ERBIN: variants seen among roughly 807,000 people sequenced by gnomAD.
ERBIN encodes densin-180-like protein.
ERBIN carries 60 observed loss-of-function variants against 158.4 expected under a neutral mutation model. The observed-to-expected ratio is 0.38, with a 90% CI of 0.31 to 0.47. The LOEUF (loss-of-function observed/expected upper bound fraction) is 0.47, where lower values mean the gene tolerates loss of function less well. Ranked by LOEUF, ERBIN falls within the 20% of genes least tolerant of loss-of-function variation. The probability of loss-of-function intolerance (pLI) is 0.99; values close to 1 mark genes in which losing one functional copy is unlikely to be tolerated. For missense variants in ERBIN, 1,610 were observed against 1,648.0 expected, an observed-to-expected ratio of 0.98 and a Z score of 0.40; for synonymous variants, 594 against 557.2, an observed-to-expected ratio of 1.07 and a Z score of -0.93.
In ERBIN at chr5:66,048,780, A is replaced by C. The variant is rs762178009; in HGVS notation, c.1902A>C (p.Lys634Asn). 2.6e-6 allele frequency: 4 copies of C among 1,561,774 alleles called. No individual in the cohort carries two copies. The highest frequency in any genetic ancestry group is 2.6e-6 in the Non-Finnish European group (3 of 1,152,190). Residue 634 changes from lysine (K) to asparagine (N), a missense_variant and splice_region_variant, in exon 19 of 26, where the codon AAA (lysine) becomes AAC (asparagine). Coordinates refer to ENST00000284037, the MANE Select transcript of ERBIN (RefSeq NM_001253697.2). The part of the protein sequence containing the change: ...PKVVALSNNK[K>N]DDTKETDSLS... ...TCGTAGCACTTAGTAATAACAAAAA[A>C]GGTTAGATGTTAAAGGAAAGTGCTA...
intron 1 of ERBIN, among the ~76,000 whole-genome samples, chr5:65,954,989 C>T (rs1204366824): frequency 3.3e-5 from 5 of 152,036 alleles, no homozygotes; most frequent in East Asian, 1.9e-4. Context: ...CGCTTGAACT[C>T]GGGAGGCGGA....
chr5:66,021,342 A>G lies in ERBIN; in HGVS notation c.554A>G (p.Gln185Arg). 1 of 1,604,362 alleles carries G rather than the reference A, an allele frequency of 6.2e-7. No individual in the cohort carries two copies. The highest frequency in any genetic ancestry group is 8.5e-7 in the Non-Finnish European group (1 of 1,173,338). ...AACAGAACTATGAATAGACTGACCC[A>G]GCTGGAAAGACTGGATTTGGGAAGT... is the stretch of plus-strand genomic sequence containing the variant. ...MLPKTMNRLT[Q>R]LERLDLGSNE... The change falls in exon 8 of 26, where the codon CAG (glutamine) becomes CGG (arginine). Residue 185 changes from glutamine (Q) to arginine (R), a missense_variant. Transcript: ENST00000284037.
rs1762222295 is a variant in ERBIN at position 66,078,565 on chromosome 5, G to A, written c.*35G>A. The stretch of plus-strand genomic sequence containing the variant: ...ACAAAAAAAGCGGGGAAGACAGCAA[G>A]ATTTATTGGAAGATACTTACAGGGG... On this transcript the variant is annotated 3_prime_UTR_variant, in exon 26 of 26. Transcript: ENST00000284037. 8.1e-7 allele frequency: 1 copy of A among 1,238,082 alleles called. No homozygotes were observed. The highest frequency in any genetic ancestry group is 1.8e-5 in the Admixed American group (1 of 56,880). 76.7% of individuals were successfully genotyped at this position (1,238,082 alleles called of 1,614,324 possible).
chr5:65,981,910 C>T (rs1396210003), intron 1 of ERBIN, among the ~76,000 whole-genome samples: 1 of 152,176 alleles, frequency 6.6e-6, no homozygotes, highest in Non-Finnish European at 1.5e-5. Context: ...AAACAAGTCA[C>T]AAGGCCTGCC....
intron 1 of ERBIN, among the ~76,000 whole-genome samples, chr5:65,967,404 A>G (rs544642234): frequency 7.9e-5 from 12 of 151,192 alleles, no homozygotes; most frequent in Non-Finnish European, 1.3e-4. Context: ...TTTTTTTTTT[A>G]TCTTTCATAC....
intron 1 of ERBIN, among the ~76,000 whole-genome samples, chr5:65,970,153 G>A (rs937442770): frequency 6.6e-6 from 1 of 152,058 alleles, no homozygotes; most frequent in Non-Finnish European, 1.5e-5. Context: ...AATGACTTTT[G>A]TTTATTAAAC....
intron 14 of ERBIN, among the ~76,000 whole-genome samples, chr5:66,037,846 G>A (rs1050670007): frequency 8.5e-5 from 13 of 152,072 alleles, no homozygotes; most frequent in African/African-American, 3.1e-4. Context: ...CTCCACCACC[G>A]AGTGACTTAC....
chr5:65,955,004 G>A (rs1746928776), intron 1 of ERBIN, among the ~76,000 whole-genome samples: 1 of 152,102 alleles, frequency 6.6e-6, no homozygotes, highest in Non-Finnish European at 1.5e-5. Context: ...GGCGGAGGTT[G>A]CAGTGAGCTG....
chr5:65,938,687 G>C (rs1378385311), intron 1 of ERBIN, among the ~76,000 whole-genome samples: 1 of 152,066 alleles, frequency 6.6e-6, no homozygotes, highest in Non-Finnish European at 1.5e-5. Context: ...CAAGTAGCTG[G>C]GACTACAGGT....
intron 17 of ERBIN, among the ~76,000 whole-genome samples, chr5:66,044,680 G>A (rs1162513865): frequency 2.6e-5 from 4 of 151,970 alleles, no homozygotes; most frequent in South Asian, 4.2e-4. Context: ...CAGGAGAATC[G>A]CTTGAACCCA....
At chr5:66,036,791 G>A (rs7707098) in intron 14 of ERBIN, among the ~76,000 whole-genome samples, 8,760 of 152,192 alleles carry the variant, frequency 0.058, 882 homozygotes, top group African/African-American at 0.2. Flanking sequence ...AATATTTTAG[G>A]AATTATGGCA....
At chr5:66,070,298 C>G (rs1168406571) in intron 21 of ERBIN, among the ~76,000 whole-genome samples, 1 of 152,122 alleles carries the variant, frequency 6.6e-6, no homozygotes, top group Non-Finnish European at 1.5e-5. Flanking sequence ...CCGCCTCAGC[C>G]TCACAAAGTG....
intron 17 of ERBIN, 141 bp downstream of exon 17, chr5:66,044,451 A>G (rs1396314838): frequency 9.3e-6 from 7 of 751,760 alleles, no homozygotes; most frequent in Middle Eastern, 4.0e-4. Flanking sequence ...ATGCTCACAT[A>G]CATATGATGG....
chr5:65,955,847 G>A (rs978743887), intron 1 of ERBIN, among the ~76,000 whole-genome samples: 3 of 152,194 alleles, frequency 2.0e-5, no homozygotes, highest in Non-Finnish European at 2.9e-5. Context: ...GAAATAATTT[G>A]TAAGTTTGAA....
rs1015503203 is a variant in ERBIN, at chr5:66,007,025, A to G, written c.308-5024A>G. ...GAATAGAAATACCATTTGACCCAGC[A>G]ATCCCATTACTGGGTATATACCCAA... is the stretch of plus-strand genomic sequence containing the variant. On this transcript the variant is annotated intron_variant, in intron 4 of 25. Transcript: ENST00000284037. 8.0e-5 allele frequency among the ~76,000 whole-genome samples: 12 copies of G among 149,526 alleles called. No homozygotes were observed. The East Asian group carries it at 1.4e-3, about 17-fold the overall frequency.
At chr5:65,986,996 C>T (rs1015172473) in intron 1 of ERBIN, among the ~76,000 whole-genome samples, 1 of 152,098 alleles carries the variant, frequency 6.6e-6, no homozygotes. Flanking sequence ...ATGGTTGTTG[C>T]AGCACTAGAT....
Position 66,072,283 on chromosome 5 carries a change from T to C in ERBIN, c.3748T>C (p.Leu1250=). ...TCACAAAGATGTTCCTCCAGACAGC[T>C]TGATGAAAGTGGGTGCTCGGGAAAA... ...LSHKDVPPDS[L]MKMPLSNGQM... The change falls in exon 22 of 26, where the codon TTG becomes CTG. Residue 1250 remains leucine, a synonymous_variant. Coordinates refer to ENST00000284037, the MANE Select transcript of ERBIN (RefSeq NM_001253697.2). 1.3e-6 allele frequency: 2 copies of C among 1,550,066 alleles called. No individual in the cohort carries two copies. The highest frequency in any genetic ancestry group is 1.7e-6 in the Non-Finnish European group (2 of 1,146,752).
intron 1 of ERBIN, among the ~76,000 whole-genome samples, chr5:65,946,787 C>CTTTTTTTTT (rs918837936): frequency 1.5e-5 from 2 of 134,458 alleles, no homozygotes; most frequent in Non-Finnish European, 3.3e-5. Flanking sequence ...TTGGTTGTTA[C>CTTTTTTTTT]TTTTTTTTTT....
At chr5:66,026,220 A>T (rs541764229) in intron 12 of ERBIN, 82 bp from the exon 13 acceptor site, 1 of 877,348 alleles carries the variant, frequency 1.1e-6, no homozygotes, top group African/African-American at 1.8e-5. Flanking sequence ...TATTTTTCAT[A>T]ACTTTCAAAA....
Sources: allele counts gnomAD v4.1 joint callset (sites outside exome capture counted in the v4.1 genomes callset), GRCh38; gene constraint gnomAD v4.1.1; transcripts MANE v1.5; gene names NCBI Gene and HGNC (gene_info 2026-07-23, HGNC 2026-07-21).